TRPC4AP: variants seen among roughly 807,000 people sequenced by gnomAD.
TRPC4AP encodes short transient receptor potential channel 4-associated protein.
In TRPC4AP, 45 loss-of-function variants were observed where a neutral mutation model predicts 99.0. The observed-to-expected ratio is 0.45, with a 90% confidence interval of 0.36 to 0.58. TRPC4AP has a LOEUF of 0.58. TRPC4AP is among the 20% of genes least tolerant of loss of function. The pLI is 0.00. For synonymous variants in TRPC4AP, 408 were observed against 385.8 expected (o/e 1.06, Z -0.67); for missense variants, 879 against 985.3 (o/e 0.89, Z 1.44).
chr20:35,018,560 C>T (rs1479633543), intron 9 of TRPC4AP, among the ~76,000 whole-genome samples: 1 of 136,490 alleles, frequency 7.3e-6, no homozygotes, highest in African/African-American at 2.8e-5. Flanking sequence ...CATGTCACTG[C>T]ACCACTCCAG....
chr20:35,038,014 A>ACAG (rs2083361055), intron 7 of TRPC4AP, among the ~76,000 whole-genome samples: 1 of 151,844 alleles, frequency 6.6e-6, no homozygotes, highest in Admixed American at 6.6e-5. Context: ...AAGTAATCTG[A>ACAG]ATAGGTAAAT....
At chr20:35,069,090 T>A (rs2084234615) in intron 3 of TRPC4AP, among the ~76,000 whole-genome samples, 1 of 152,150 alleles carries the variant, frequency 6.6e-6, no homozygotes, top group Non-Finnish European at 1.5e-5. Flanking sequence ...AGTATTTTTT[T>A]AAAAAGGTAT....
chr20:35,039,498 C>T (rs939366419), intron 7 of TRPC4AP, among the ~76,000 whole-genome samples: 1 of 152,236 alleles, frequency 6.6e-6, no homozygotes, highest in Non-Finnish European at 1.5e-5. Flanking sequence ...AGCTACCACA[C>T]CTGGCTGGTT....
At chr20:35,072,444 G>A (rs1600644372) in intron 2 of TRPC4AP, among the ~76,000 whole-genome samples, 1 of 152,048 alleles carries the variant, frequency 6.6e-6, no homozygotes, top group Admixed American at 6.6e-5. Flanking sequence ...AATCAATCTT[G>A]AATTAATTTT....
At chr20:35,033,039 T>C (rs1000121826) in intron 8 of TRPC4AP, among the ~76,000 whole-genome samples, 1 of 151,912 alleles carries the variant, frequency 6.6e-6, no homozygotes, top group African/African-American at 2.4e-5. Context: ...TCTACTAAAA[T>C]ACAAAAAATT....
At chr20:35,006,320 C>T in intron 15 of TRPC4AP, 115 bp downstream of exon 15, 1 of 1,263,964 alleles carries the variant, frequency 7.9e-7, no homozygotes, top group Non-Finnish European at 1.1e-6. Context: ...AAAGACTGCC[C>T]AGACTCCCCC....
intron 7 of TRPC4AP, among the ~76,000 whole-genome samples, chr20:35,039,084 A>T (rs1233872509): frequency 1.3e-5 from 2 of 152,204 alleles, no homozygotes; most frequent in Non-Finnish European, 2.9e-5. Context: ...AAATAAAACA[A>T]AGCAAAAAAA....
At chr20:35,048,173 G>A (rs2083602804) in intron 6 of TRPC4AP, among the ~76,000 whole-genome samples, 1 of 150,468 alleles carries the variant, frequency 6.6e-6, no homozygotes, top group South Asian at 2.1e-4. Flanking sequence ...TTTGTCTACT[G>A]GGCTATTTCT....
intron 7 of TRPC4AP, among the ~76,000 whole-genome samples, chr20:35,044,266 C>CTATA (rs150647898): frequency 0.014 from 2,125 of 151,910 alleles, 69 homozygotes; most frequent in African/African-American, 0.048. Flanking sequence ...TGGCACCTGC[C>CTATA]TATAGTTCCA....
At position 35,024,854 on chromosome 20, in the gene TRPC4AP, A is replaced by AAAAAAAAAAAAAACAT. The variant is rs1479270980; in HGVS notation, c.1052-3499_1052-3498insATGTTTTTTTTTTTTT. Among the ~76,000 whole-genome samples, 333 of 89,408 alleles carry AAAAAAAAAAAAAACAT rather than the reference A, an allele frequency of 3.7e-3. 77 individuals are homozygous for AAAAAAAAAAAAAACAT. Among genetic ancestry groups the AAAAAAAAAAAAAACAT allele is most frequent in the Middle Eastern group, 0.011 (2 of 184 alleles). The allele number at this position is 89,408 out of a possible 152,430, so 58.7% of individuals were successfully genotyped here. A position where few individuals can be genotyped will look rare whatever the true frequency, so the allele number is the denominator to read the frequency against. Reference sequence around the variant, plus strand: ...AAAAAAAAAAAAAAAAAAAAAAAAAAATTCTGTTTATTCATTAATCAGGTG... The same window carrying AAAAAAAAAAAAAACAT: ...AAAAAAAAAAAAAAAAAAAAAAAAAAAAAAAAAAAAAAACATATTCTGTTTATTCATTAATCAGGTG... On this transcript the variant is annotated intron_variant, in intron 8 of 18. Transcript: ENST00000252015.
chr20:35,010,151 G>C (rs762547558), intron 12 of TRPC4AP, 36 bp downstream of exon 12: 1 of 1,595,244 alleles, frequency 6.3e-7, no homozygotes, highest in East Asian at 2.2e-5. Context: ...GGGCAGCCGG[G>C]ATGGGCTGAG....
chr20:35,073,292 G>A (rs1189635774), intron 2 of TRPC4AP, among the ~76,000 whole-genome samples: 1 of 152,046 alleles, frequency 6.6e-6, no homozygotes, highest in Non-Finnish European at 1.5e-5. Context: ...GACTTCCCTG[G>A]CCAAAACTTC....
Position 35,018,128 on chromosome 20 carries a change from T to C in TRPC4AP, c.1219-1989A>G, listed in dbSNP as rs187887456. The stretch of plus-strand genomic sequence containing the variant: ...GCCCAAAAAAATTCATCCAGTGCAA[T>C]TGCCTCACTGCACAGACTAGAAACC... On this transcript the variant is annotated intron_variant, in intron 9 of 18. Transcript: ENST00000252015. Among the ~76,000 whole-genome samples, 172 of 152,214 alleles carry C rather than the reference T, an allele frequency of 1.1e-3. 1 individual carries two copies. The highest frequency in any genetic ancestry group is 3.1e-3 in the South Asian group (15 of 4,824).
At chr20:35,004,996 C>CG (rs2082487672) in intron 16 of TRPC4AP, among the ~76,000 whole-genome samples, 1 of 152,138 alleles carries the variant, frequency 6.6e-6, no homozygotes, top group African/African-American at 2.4e-5. Context: ...CAGGTGAGTC[C>CG]GGCCCAGTGC....
At chr20:35,008,770 G>C in intron 12 of TRPC4AP, 23 bp from the exon 13 acceptor site, 1 of 1,608,726 alleles carries the variant, frequency 6.2e-7, no homozygotes, top group East Asian at 2.2e-5. Context: ...AGAGATATTG[G>C]TGACAGATCT....
intron 5 of TRPC4AP, among the ~76,000 whole-genome samples, chr20:35,051,324 G>T (rs2083695209): frequency 1.3e-5 from 2 of 151,842 alleles, no homozygotes; most frequent in Middle Eastern, 3.4e-3. Flanking sequence ...TTAGAGACAG[G>T]GTCTCACTCT....
chr20:35,055,093 C>T (rs1724538537), intron 4 of TRPC4AP, 62 bp from the exon 5 acceptor site: 2 of 1,463,860 alleles, frequency 1.4e-6, no homozygotes, highest in African/African-American at 1.4e-5. Flanking sequence ...CAACAGTTAC[C>T]ACATTTTTTT....
At chr20:35,025,323 G>A (rs1268866748) in intron 8 of TRPC4AP, among the ~76,000 whole-genome samples, 2 of 152,034 alleles carry the variant, frequency 1.3e-5, no homozygotes, top group Non-Finnish European at 1.5e-5. Flanking sequence ...CAGGACTATG[G>A]GCACGTGCCA....
chr20:35,088,127 T>C (rs1253693780), intron 1 of TRPC4AP, among the ~76,000 whole-genome samples: 2 of 152,370 alleles, frequency 1.3e-5, no homozygotes, highest in South Asian at 2.1e-4. Context: ...CTAATCTTTA[T>C]AGCAGTAAGC....
Sources: gnomAD v4.1 joint callset for allele counts (sites outside exome capture counted in the v4.1 genomes callset) on GRCh38, gnomAD v4.1.1 for gene constraint, MANE v1.5 for transcripts, NCBI Gene and HGNC (gene_info 2026-07-23, HGNC 2026-07-21) for gene names.